NCAM2: variants seen among roughly 807,000 people sequenced by gnomAD.
The protein encoded by NCAM2 is neural cell adhesion molecule 2.
Under a neutral mutation model 98.1 loss-of-function variants are expected in NCAM2, and 30 were observed. The ratio of observed to expected loss-of-function variants is 0.31; its 90% confidence interval spans 0.23 to 0.41. The LOEUF is 0.41. Among genes scored for constraint, NCAM2 ranks in the 10% least tolerant of loss-of-function variants. NCAM2 has a pLI of 1.00. For synonymous variants in NCAM2, 368 were observed against 342.4 expected, an observed-to-expected ratio of 1.07 and a Z score of -0.83; for missense variants, 867 against 1,005.8, an observed-to-expected ratio of 0.86 and a Z score of 1.87.
intron 1 of NCAM2, among the ~76,000 whole-genome samples, chr21:21,169,307 C>A (rs1189317916): frequency 6.6e-6 from 1 of 151,758 alleles, no homozygotes; most frequent in East Asian, 1.9e-4. Flanking sequence ...CGATCGTAGC[C>A]CTACATATAA....
At chr21:21,280,186 G>A (rs1252083509) in intron 1 of NCAM2, among the ~76,000 whole-genome samples, 1 of 152,018 alleles carries the variant, frequency 6.6e-6, no homozygotes, top group Non-Finnish European at 1.5e-5. Flanking sequence ...GTGTGTGTGT[G>A]TGTAGTTGTT....
chr21:21,236,070 A>C (rs2070808263), intron 1 of NCAM2, among the ~76,000 whole-genome samples: 1 of 152,054 alleles, frequency 6.6e-6, no homozygotes, highest in East Asian at 1.9e-4. Context: ...AAATACCCTG[A>C]ATAATGTTCC....
At chr21:21,146,710 T>C (rs928810614) in intron 1 of NCAM2, among the ~76,000 whole-genome samples, 1 of 152,058 alleles carries the variant, frequency 6.6e-6, no homozygotes, top group African/African-American at 2.4e-5. Context: ...CTTCGCAAGA[T>C]TTCAAGTGAA....
chr21:21,395,898 A>G (rs2076494765), intron 9 of NCAM2, among the ~76,000 whole-genome samples: 3 of 152,242 alleles, frequency 2.0e-5, no homozygotes, highest in Admixed American at 2.0e-4. Flanking sequence ...AAGTCCTGAA[A>G]CCATAAAAAT....
intron 5 of NCAM2, among the ~76,000 whole-genome samples, chr21:21,313,417 G>A (rs958737074): frequency 1.3e-5 from 2 of 151,538 alleles, no homozygotes; most frequent in Non-Finnish European, 3.0e-5. Context: ...ATATTTTCCT[G>A]CTTAATTGGC....
rs554500501 is a variant in NCAM2, at chr21:21,256,946, C to T, written c.56-23632C>T. On this transcript the variant is annotated intron_variant, in intron 1 of 17. Transcript: ENST00000400546. ...CTGATCTTTGCAAAGATTGCAGAGG[C>T]GTCTCTGATGAGATAATTGAGTTCC... Among the ~76,000 whole-genome samples, 16 of 152,250 alleles carry T rather than the reference C, an allele frequency of 1.1e-4. No homozygotes were observed. In the East Asian group the frequency reaches 2.5e-3, roughly 24 times the overall value.
At chr21:21,530,521 CT>C (rs1240226621) in intron 16 of NCAM2, among the ~76,000 whole-genome samples, 10 of 150,516 alleles carry the variant, frequency 6.6e-5, no homozygotes, top group Non-Finnish European at 1.2e-4. Flanking sequence ...TCCATGTGGT[CT>C]ATAGTTTGTA....
chr21:21,301,843 C>T (rs1258324227), intron 5 of NCAM2, among the ~76,000 whole-genome samples: 1 of 148,232 alleles, frequency 6.7e-6, no homozygotes, highest in African/African-American at 2.5e-5. Flanking sequence ...TTTATGCAGC[C>T]AAAAAATACA....
At chr21:21,526,077 C>T (rs1348042619) in intron 16 of NCAM2, among the ~76,000 whole-genome samples, 1 of 152,022 alleles carries the variant, frequency 6.6e-6, no homozygotes, top group Non-Finnish European at 1.5e-5. Context: ...GCTGTCCCCA[C>T]TATATCCTCT....
At chr21:21,152,888 A>G (rs1489896942) in intron 1 of NCAM2, among the ~76,000 whole-genome samples, 1 of 151,982 alleles carries the variant, frequency 6.6e-6, no homozygotes, top group Admixed American at 6.6e-5. Context: ...ATAATCTGAC[A>G]TAAACTTTAG....
At chr21:21,353,382 A>G (rs911057779) in intron 8 of NCAM2, among the ~76,000 whole-genome samples, 3 of 152,226 alleles carry the variant, frequency 2.0e-5, no homozygotes, top group African/African-American at 7.2e-5. Context: ...TTCATATATC[A>G]GGTTTTACCA....
intron 9 of NCAM2, among the ~76,000 whole-genome samples, chr21:21,377,805 A>G (rs1473922387): frequency 1.3e-5 from 2 of 151,652 alleles, no homozygotes; most frequent in Non-Finnish European, 2.9e-5. Flanking sequence ...CTGCCTGTCT[A>G]CCCTTTGATC....
intron 9 of NCAM2, among the ~76,000 whole-genome samples, chr21:21,408,033 C>T (rs1311556131): frequency 6.6e-6 from 1 of 152,066 alleles, no homozygotes; most frequent in Non-Finnish European, 1.5e-5. Flanking sequence ...GTTTAAAAAA[C>T]ACTGTGTAAG....
At chr21:21,439,448 A>G (rs1176530919) in intron 12 of NCAM2, among the ~76,000 whole-genome samples, 1 of 152,182 alleles carries the variant, frequency 6.6e-6, no homozygotes, top group Non-Finnish European at 1.5e-5. Context: ...AATTTTAGCA[A>G]AAGTTTTTAT....
chr21:21,174,501 A>G (rs1415511415), intron 1 of NCAM2, among the ~76,000 whole-genome samples: 4 of 152,190 alleles, frequency 2.6e-5, no homozygotes, highest in African/African-American at 9.6e-5. Flanking sequence ...TGGGACAGAC[A>G]AGGATCAGCA....
chr21:21,324,821 G>T (rs2074470595), intron 6 of NCAM2, among the ~76,000 whole-genome samples: 1 of 151,938 alleles, frequency 6.6e-6, no homozygotes, highest in African/African-American at 2.4e-5. Flanking sequence ...AATTTATCTT[G>T]AAATTGATAT....
chr21:21,244,811 C>T (rs1400706949), intron 1 of NCAM2, among the ~76,000 whole-genome samples: 3 of 139,080 alleles, frequency 2.2e-5, no homozygotes, highest in Admixed American at 7.6e-5. Context: ...CGCGCCACTG[C>T]ACTCCTACCT....
intron 1 of NCAM2, among the ~76,000 whole-genome samples, chr21:21,259,298 G>A (rs1008149923): frequency 1.3e-5 from 2 of 152,142 alleles, no homozygotes; most frequent in African/African-American, 4.8e-5. Context: ...AGCCACCAGA[G>A]GGGCATATTC....
intron 5 of NCAM2, among the ~76,000 whole-genome samples, chr21:21,316,002 A>C (rs1938339408): frequency 6.6e-6 from 1 of 152,272 alleles, no homozygotes; most frequent in Admixed American, 6.5e-5. Context: ...GAATTAATAT[A>C]TATATTAACA....
Sources: allele counts gnomAD v4.1 joint callset (sites outside exome capture counted in the v4.1 genomes callset), GRCh38; gene constraint gnomAD v4.1.1; transcripts MANE v1.5; gene names NCBI Gene and HGNC (gene_info 2026-07-23, HGNC 2026-07-21).